The following DLC1 variants were observed in gnomAD, a reference collection of about 807,000 sequenced individuals.
The protein encoded by DLC1 is rho GTPase-activating protein 7.
Under a neutral mutation model 140.3 loss-of-function variants are expected in DLC1, and 54 were observed. That is an observed-to-expected ratio of 0.38 (90% CI 0.31 to 0.48). DLC1 has a LOEUF of 0.48. Ranked by LOEUF, DLC1 falls within the 20% of genes least tolerant of loss-of-function variation. The pLI is 0.96. For synonymous variants in DLC1, 986 were observed against 728.1 expected, an observed-to-expected ratio of 1.35 and a Z score of -5.70; for missense variants, 2,536 against 1,907.0, an observed-to-expected ratio of 1.33 and a Z score of -6.14.
chr8:13,188,378 C>G (rs544201664), intron 5 of DLC1, among the ~76,000 whole-genome samples: 28 of 129,616 alleles, frequency 2.2e-4, no homozygotes, highest in Non-Finnish European at 4.2e-4. Flanking sequence ...AATGATTGTG[C>G]CACTGCACTC....
chr8:13,207,384 G>A (rs1827718444), intron 5 of DLC1, among the ~76,000 whole-genome samples: 1 of 152,056 alleles, frequency 6.6e-6, no homozygotes, highest in Non-Finnish European at 1.5e-5. Flanking sequence ...TGTCCGTTTG[G>A]AGTTACATGT....
chr8:13,535,184 T>A (rs1348538334), intron 1 of DLC1, among the ~76,000 whole-genome samples: 2 of 152,126 alleles, frequency 1.3e-5, no homozygotes, highest in Non-Finnish European at 2.9e-5. Context: ...AAGATGATAG[T>A]TGCTATAAAG....
At chr8:13,209,320 A>C (rs1475743460) in intron 5 of DLC1, among the ~76,000 whole-genome samples, 1 of 152,186 alleles carries the variant, frequency 6.6e-6, no homozygotes, top group Non-Finnish European at 1.5e-5. Flanking sequence ...AGTATTGCAT[A>C]TAATTTTCAC....
intron 5 of DLC1, chr8:13,132,809 G>C (rs1382171317): frequency 2.7e-6 from 3 of 1,118,794 alleles, no homozygotes; most frequent in Non-Finnish European, 2.6e-6. Context: ...AAAATCCGGA[G>C]ACTCTGCAGA....
chr8:13,359,301 A>T (rs560671804), intron 4 of DLC1, among the ~76,000 whole-genome samples: 2 of 152,232 alleles, frequency 1.3e-5, no homozygotes, highest in South Asian at 4.2e-4. Flanking sequence ...TCATAAGCTG[A>T]TTCGGAATTC....
chr8:13,487,628 C>A (rs1286782157), intron 2 of DLC1, among the ~76,000 whole-genome samples: 1 of 151,048 alleles, frequency 6.6e-6, no homozygotes, highest in African/African-American at 2.4e-5. Context: ...GGCTGGAGTG[C>A]AATGGCGTGA....
At chr8:13,296,426 G>A (rs1032248246) in intron 5 of DLC1, among the ~76,000 whole-genome samples, 2 of 152,088 alleles carry the variant, frequency 1.3e-5, no homozygotes, top group African/African-American at 4.8e-5. Context: ...CTGTCTTATT[G>A]GCCCATACTG....
rs917996267 is a variant in DLC1 at position 13,116,150 on chromosome 8, T to A, written c.1349-493A>T. On this transcript the variant is annotated intron_variant, in intron 5 of 17. Transcript: ENST00000276297. ...GGTGTTTCAAAAGCCCCTGACCTTGTGTTGTTTCACTGTTGCGTGATCAGG... is the reference window on the plus strand; with the variant it reads ...GGTGTTTCAAAAGCCCCTGACCTTGAGTTGTTTCACTGTTGCGTGATCAGG... 5 of 986,454 alleles carry A rather than the reference T, an allele frequency of 5.1e-6. No individual in the cohort carries two copies. In the African/African-American group the frequency reaches 8.7e-5, roughly 17 times the overall value. 61.1% of individuals were successfully genotyped at this position (986,454 alleles called of 1,614,324 possible).
At chr8:13,334,331 G>C (rs554696078) in intron 4 of DLC1, among the ~76,000 whole-genome samples, 1 of 152,136 alleles carries the variant, frequency 6.6e-6, no homozygotes, top group Admixed American at 6.5e-5. Context: ...TGGGGGAGAA[G>C]AGAGGGACAA....
intron 4 of DLC1, among the ~76,000 whole-genome samples, chr8:13,328,051 T>C (rs913520515): frequency 1.3e-5 from 2 of 152,108 alleles, no homozygotes; most frequent in Non-Finnish European, 2.9e-5. Context: ...CTAGCTGGAA[T>C]CTGGTGAGTG....
At chr8:13,457,981 G>A (rs991909979) in intron 2 of DLC1, among the ~76,000 whole-genome samples, 3 of 152,054 alleles carry the variant, frequency 2.0e-5, no homozygotes, top group African/African-American at 7.2e-5. Context: ...GTATAGAATA[G>A]GTTCAAGAAG....
intron 1 of DLC1, among the ~76,000 whole-genome samples, chr8:13,562,042 A>C (rs1391733195): frequency 6.6e-6 from 1 of 152,200 alleles, no homozygotes; most frequent in African/African-American, 2.4e-5. Flanking sequence ...ATGCCAAAAA[A>C]GGAGATAGAA....
chr8:13,152,305 T>C (rs535565996), intron 5 of DLC1, among the ~76,000 whole-genome samples: 3 of 152,346 alleles, frequency 2.0e-5, no homozygotes, highest in South Asian at 4.1e-4. Context: ...CTTCTCTTGA[T>C]AGACACAAAT....
intron 4 of DLC1, among the ~76,000 whole-genome samples, chr8:13,306,803 G>C (rs1358678235): frequency 6.6e-6 from 1 of 151,940 alleles, no homozygotes; most frequent in Non-Finnish European, 1.5e-5. Context: ...AAAAGTAGAG[G>C]CTGGGCACCG....
At chr8:13,140,630 A>G (rs952481616) in intron 5 of DLC1, among the ~76,000 whole-genome samples, 2 of 152,062 alleles carry the variant, frequency 1.3e-5, no homozygotes, top group Non-Finnish European at 2.9e-5. Flanking sequence ...TTCTTATACA[A>G]ATATTTTTAC....
In DLC1 at chr8:13,532,706, C is replaced by T. The variant is rs60635763; in HGVS notation, c.-125-32510G>A. ...CTTGGGCTCAAGTAACCTCCCACTT[C>T]GGCCTCCCATAGTGCTGGGACTACA... On this transcript the variant is annotated intron_variant, in intron 1 of 1. Coordinates refer to the DLC1 transcript ENST00000631382. Among the ~76,000 whole-genome samples, 224 of 152,278 alleles carry T rather than the reference C, an allele frequency of 1.5e-3. 6 individuals carry two copies. The East Asian group carries it at 0.027, about 18-fold the overall frequency.
At chr8:13,295,916 T>C (rs926743275) in intron 5 of DLC1, among the ~76,000 whole-genome samples, 1 of 140,664 alleles carries the variant, frequency 7.1e-6, no homozygotes, top group Admixed American at 7.2e-5. Context: ...TGAAGACATC[T>C]AAGAGATGAT....
intron 5 of DLC1, among the ~76,000 whole-genome samples, chr8:13,278,007 T>G (rs988180287): frequency 6.6e-6 from 1 of 152,260 alleles, no homozygotes. Context: ...ATTGTGCTCA[T>G]GAATTATAAC....
chr8:13,548,895 A>G (rs1243202196), intron 1 of DLC1, among the ~76,000 whole-genome samples: 6 of 152,108 alleles, frequency 3.9e-5, no homozygotes, highest in East Asian at 3.8e-4. Flanking sequence ...TGGGCTCCAG[A>G]AAAATGTTGG....
Sources: gnomAD v4.1 joint callset for allele counts (sites outside exome capture counted in the v4.1 genomes callset) on GRCh38, gnomAD v4.1.1 for gene constraint, MANE v1.5 for transcripts, NCBI Gene and HGNC (gene_info 2026-07-23, HGNC 2026-07-21) for gene names.